Variants in PCDHA2 observed in about 807,000 individuals in gnomAD.
PCDHA2 encodes protocadherin alpha-2.
Under a neutral mutation model 66.0 loss-of-function variants are expected in PCDHA2, and 58 were observed. The ratio of observed to expected loss-of-function variants is 0.88; its 90% CI spans 0.71 to 1.09. PCDHA2 has a LOEUF of 1.09. Ranked by LOEUF, PCDHA2 falls within the 50% of genes least tolerant of loss-of-function variation. The pLI is 0.00. For synonymous variants in PCDHA2, 634 were observed against 554.0 expected, an observed-to-expected ratio of 1.14 and a Z score of -2.03; for missense variants, 1,267 against 1,242.3, an observed-to-expected ratio of 1.02 and a Z score of -0.30.
At position 140,857,211 on chromosome 5, in the gene PCDHA2, T is replaced by C; in HGVS notation, c.2388+59859T>C. 5 of 1,598,632 alleles carry C rather than the reference T, an allele frequency of 3.1e-6. 1 individual carries two copies. Among genetic ancestry groups the C allele is most frequent in the Non-Finnish European group, 4.3e-6 (5 of 1,167,976 alleles). On this transcript the variant is annotated intron_variant, in intron 1 of 3. Coordinates refer to ENST00000526136, the MANE Select transcript of PCDHA2 (RefSeq NM_018905.3). ...GCCAACGGACAGGTCACCTGCTCTCTGACGCCTCACGTTCCGTTCAAGCTG... is the reference window on the plus strand; with the variant it reads ...GCCAACGGACAGGTCACCTGCTCTCCGACGCCTCACGTTCCGTTCAAGCTG...
At chr5:140,870,426 C>T in intron 1 of PCDHA2, 2 of 1,614,208 alleles carry the variant, frequency 1.2e-6, no homozygotes, top group South Asian at 2.2e-5. Context: ...CCAGGGTATC[C>T]GTGGAGGTGG....
chr5:140,801,672 G>A, intron 1 of PCDHA2: 2 of 1,614,244 alleles, frequency 1.2e-6, no homozygotes. Flanking sequence ...GGGCGCATCA[G>A]ATGCAGATAT....
At chr5:140,841,468 G>T (rs1777250619) in intron 1 of PCDHA2, 7 of 1,612,868 alleles carry the variant, frequency 4.3e-6, no homozygotes, top group African/African-American at 1.3e-5. Context: ...GCCGGATCGC[G>T]CAGGACCTGG....
chr5:140,859,125 T>C (rs2045735975), intron 1 of PCDHA2: 1 of 150,194 alleles, frequency 6.7e-6, no homozygotes, highest in East Asian at 1.9e-4. Flanking sequence ...TATGTTTCTT[T>C]TATTTACATA....
chr5:140,962,855 G>A (rs556272423), intron 1 of PCDHA2, among the ~76,000 whole-genome samples: 286 of 152,196 alleles, frequency 1.9e-3, no homozygotes, highest in Admixed American at 3.8e-3. Context: ...CTTGTGCTCG[G>A]TTTGTAGAGC....
At chr5:140,866,347 A>G (rs1554160242) in intron 1 of PCDHA2, 2 of 152,140 alleles carry the variant, frequency 1.3e-5, no homozygotes, top group Admixed American at 6.5e-5. Context: ...GGATTCAAGA[A>G]ATGTTTACAA....
intron 1 of PCDHA2, chr5:140,967,013 G>A: frequency 1.9e-6 from 3 of 1,606,874 alleles, no homozygotes; most frequent in Non-Finnish European, 2.5e-6. Flanking sequence ...CAACCATCTG[G>A]GTGCGCCCAG....
intron 1 of PCDHA2, chr5:140,834,503 A>C: frequency 1.2e-6 from 2 of 1,614,128 alleles, no homozygotes; most frequent in Non-Finnish European, 1.7e-6. Context: ...AGGAGGCTAA[A>C]CATGGCAACT....
At chr5:140,842,075 T>C (rs1285752130) in intron 1 of PCDHA2, 5 of 1,613,720 alleles carry the variant, frequency 3.1e-6, no homozygotes, top group Admixed American at 1.7e-5. Context: ...AGTAAGAATA[T>C]TCGAAAACGC....
At chr5:140,952,476 G>A (rs1231361903) in intron 1 of PCDHA2, among the ~76,000 whole-genome samples, 1 of 152,148 alleles carries the variant, frequency 6.6e-6, no homozygotes, top group East Asian at 1.9e-4. Context: ...TAAGGAAAGT[G>A]ACATTTGCTC....
Position 140,805,384 on chromosome 5 carries a change from T to C in PCDHA2, c.2388+8032T>C, listed in dbSNP as rs112955193. On this transcript the variant is annotated intron_variant, in intron 1 of 3. Coordinates refer to ENST00000526136, the MANE Select transcript of PCDHA2 (RefSeq NM_018905.3). ...GGGTCCCCACATAGTGAAAGTACTC[T>C]GGTTTCTGTTTGATTCAGAAATTTG... is the stretch of plus-strand genomic sequence containing the variant. 5.4e-4 allele frequency: 594 copies of C among 1,106,388 alleles called. 2 individuals are homozygous for C. In the African/African-American group the frequency reaches 8.8e-3, roughly 16 times the overall value. The allele number at this position is 1,106,388 out of a possible 1,614,324, so 68.5% of individuals were successfully genotyped here.
chr5:140,828,666 T>C lies in PCDHA2; in HGVS notation c.2388+31314T>C, dbSNP rs111411595. The stretch of plus-strand genomic sequence containing the variant: ...ATAAACAGTGATGACAATAAACAAA[T>C]TGGGCTCTTATTAAAGAAATCCTTG... On this transcript the variant is annotated intron_variant, in intron 1 of 3. Coordinates refer to ENST00000526136, the MANE Select transcript of PCDHA2 (RefSeq NM_018905.3). 181 of 1,614,044 alleles carry C rather than the reference T, an allele frequency of 1.1e-4. No individual in the cohort carries two copies. The highest frequency in any genetic ancestry group is 1.7e-4 in the African/African-American group (13 of 74,926).
At chr5:140,807,718 C>T in intron 1 of PCDHA2, 2 of 1,614,230 alleles carry the variant, frequency 1.2e-6, no homozygotes, top group Non-Finnish European at 1.7e-6. Context: ...CAAATGAATA[C>T]TTTTCTCTGG....
chr5:140,884,003 G>A, intron 1 of PCDHA2: 4 of 1,613,086 alleles, frequency 2.5e-6, no homozygotes, highest in African/African-American at 1.3e-5. Flanking sequence ...CACAGTGAGC[G>A]AGCTGATGCC....
At chr5:140,938,507 C>T (rs2092094259) in intron 1 of PCDHA2, among the ~76,000 whole-genome samples, 1 of 151,846 alleles carries the variant, frequency 6.6e-6, no homozygotes, top group Admixed American at 6.6e-5. Flanking sequence ...GAATTTATCA[C>T]ATATTTTCTG....
intron 1 of PCDHA2, chr5:140,864,380 A>C (rs1581715525): frequency 6.6e-6 from 1 of 152,354 alleles, no homozygotes; most frequent in East Asian, 1.9e-4. Flanking sequence ...CGATAAGTTT[A>C]TCTCTCACAA....
intron 1 of PCDHA2, chr5:140,834,176 G>T: frequency 1.8e-6 from 1 of 555,610 alleles, no homozygotes; most frequent in South Asian, 2.7e-5. Context: ...TTACATGATG[G>T]CCACATGATG....
At chr5:140,821,940 G>A (rs1262850471) in intron 1 of PCDHA2, 1 of 1,614,066 alleles carries the variant, frequency 6.2e-7, no homozygotes, top group African/African-American at 1.3e-5. Context: ...GGCTGGAGCT[G>A]GCGGAGCTGG....
intron 1 of PCDHA2, chr5:140,876,581 C>G (rs782654448): frequency 1.9e-6 from 3 of 1,614,200 alleles, no homozygotes; most frequent in Non-Finnish European, 2.5e-6. Flanking sequence ...ACCGTCATTG[C>G]CCTGATTAGC....
Sources: allele counts gnomAD v4.1 joint callset (sites outside exome capture counted in the v4.1 genomes callset), GRCh38; gene constraint gnomAD v4.1.1; transcripts MANE v1.5; gene names NCBI Gene and HGNC (gene_info 2026-07-23, HGNC 2026-07-21).